The following SNTG1 variants were observed in gnomAD, a reference collection of about 807,000 sequenced individuals.
The protein encoded by SNTG1 is syntrophin gamma 1, also known as gamma-1-syntrophin.
Under a neutral mutation model 74.7 loss-of-function variants are expected in SNTG1, and 39 were observed. The ratio of observed to expected loss-of-function variants is 0.52; its 90% CI spans 0.40 to 0.68. The LOEUF is 0.68. Among genes scored for constraint, SNTG1 ranks in the 30% least tolerant of loss-of-function variants. The pLI is 0.00. For synonymous variants in SNTG1, 254 were observed against 217.1 expected, an observed-to-expected ratio of 1.17 and a Z score of -1.49; for missense variants, 685 against 609.5, an observed-to-expected ratio of 1.12 and a Z score of -1.30.
chr8:50,007,481 A>G (rs1261605785), intron 1 of SNTG1, among the ~76,000 whole-genome samples: 1 of 152,106 alleles, frequency 6.6e-6, no homozygotes, highest in Non-Finnish European at 1.5e-5. Flanking sequence ...CTTCAGTGAT[A>G]TTTCATTAAC....
intron 1 of SNTG1, among the ~76,000 whole-genome samples, chr8:50,127,805 T>G: frequency 6.6e-6 from 1 of 152,224 alleles, no homozygotes; most frequent in Non-Finnish European, 1.5e-5. Context: ...ATAAATGTTA[T>G]CTTCATTTAT....
intron 12 of SNTG1, among the ~76,000 whole-genome samples, chr8:50,587,559 T>A (rs934231505): frequency 2.0e-5 from 3 of 152,192 alleles, no homozygotes; most frequent in Non-Finnish European, 2.9e-5. Context: ...GCGCAGTGGC[T>A]CACGCCTGAA....
At chr8:50,231,988 C>T (rs1454221583) in intron 2 of SNTG1, among the ~76,000 whole-genome samples, 1 of 151,214 alleles carries the variant, frequency 6.6e-6, no homozygotes, top group Non-Finnish European at 1.5e-5. Context: ...ATATATTCAA[C>T]TATAATTTAT....
chr8:50,482,258 G>A (rs1481472), intron 8 of SNTG1, among the ~76,000 whole-genome samples: 130,866 of 152,102 alleles, frequency 0.86, 56,415 homozygotes, highest in Non-Finnish European at 0.89. Flanking sequence ...ACTAACAAAC[G>A]TGAACTGCTA....
chr8:50,513,030 TC>T (rs2129982453), intron 9 of SNTG1, among the ~76,000 whole-genome samples: 1 of 152,320 alleles, frequency 6.6e-6, no homozygotes, highest in South Asian at 2.1e-4. Context: ...CTCTGTTTTT[TC>T]CCCATCTTTA....
intron 2 of SNTG1, among the ~76,000 whole-genome samples, chr8:50,204,094 C>T (rs1035696606): frequency 2.0e-5 from 3 of 152,004 alleles, no homozygotes; most frequent in Admixed American, 6.6e-5. Context: ...AAACAATTTA[C>T]TAATGGACTG....
chr8:49,941,656 C>T (rs1038319982), intron 1 of SNTG1, among the ~76,000 whole-genome samples: 5 of 151,960 alleles, frequency 3.3e-5, no homozygotes, highest in African/African-American at 1.2e-4. Flanking sequence ...GCTCTGGCTG[C>T]CTGCCTGCCT....
At chr8:50,427,014 A>G (rs945180553) in intron 4 of SNTG1, among the ~76,000 whole-genome samples, 7 of 152,278 alleles carry the variant, frequency 4.6e-5, no homozygotes, top group Middle Eastern at 3.4e-3. Flanking sequence ...ATACTATGCC[A>G]TCTTATATGA....
intron 1 of SNTG1, among the ~76,000 whole-genome samples, chr8:49,942,404 T>A (rs2129377333): frequency 6.6e-6 from 1 of 152,246 alleles, no homozygotes; most frequent in East Asian, 1.9e-4. Flanking sequence ...CCATATGAAG[T>A]TTCTTTTATT....
rs139765180 is a variant in SNTG1, at chr8:50,793,029, A to G, written c.*200A>G. The G allele has an allele frequency of 2.3e-5, 10 of 430,598 alleles. No individual in the cohort carries two copies. In the East Asian group the frequency reaches 2.5e-4, roughly 11 times the overall value. 26.7% of individuals were successfully genotyped at this position (430,598 alleles called of 1,614,324 possible). On this transcript the variant is annotated 3_prime_UTR_variant, in exon 19 of 19. Transcript: ENST00000642720. ...CATCTGTGAAATATACTACATGAAC[A>G]GAACAGCTTGTTCTCACTCAGTTGC...
At chr8:50,563,974 A>G (rs543954434) in intron 12 of SNTG1, among the ~76,000 whole-genome samples, 3 of 152,278 alleles carry the variant, frequency 2.0e-5, no homozygotes, top group East Asian at 3.9e-4. Flanking sequence ...CTGAATAAAA[A>G]TCTCTCTCAT....
chr8:50,103,920 C>T (rs1312723329), intron 1 of SNTG1, among the ~76,000 whole-genome samples: 1 of 152,156 alleles, frequency 6.6e-6, no homozygotes, highest in African/African-American at 2.4e-5. Context: ...CCCACTTGAT[C>T]ATGCTGGATA....
At chr8:50,592,179 C>T (rs891109201) in intron 13 of SNTG1, among the ~76,000 whole-genome samples, 6 of 152,088 alleles carry the variant, frequency 3.9e-5, no homozygotes, top group African/African-American at 1.4e-4. Flanking sequence ...AGAAATTACT[C>T]AAATAGAAGA....
intron 13 of SNTG1, among the ~76,000 whole-genome samples, chr8:50,636,502 G>A (rs1387252681): frequency 6.6e-6 from 1 of 152,038 alleles, no homozygotes; most frequent in Admixed American, 6.5e-5. Flanking sequence ...TTATCTAAAT[G>A]CTTCCTCCGT....
At chr8:50,660,865 T>C (rs967631027) in intron 15 of SNTG1, among the ~76,000 whole-genome samples, 2 of 152,172 alleles carry the variant, frequency 1.3e-5, no homozygotes, top group Non-Finnish European at 2.9e-5. Context: ...GATTATGCAA[T>C]TCATGATCTG....
At chr8:49,986,085 A>G (rs1261637399) in intron 1 of SNTG1, among the ~76,000 whole-genome samples, 5 of 152,236 alleles carry the variant, frequency 3.3e-5, no homozygotes, top group Non-Finnish European at 7.3e-5. Context: ...TAGTTCTATT[A>G]TAAAACATCC....
At chr8:50,781,527 T>C (rs187649432) in intron 18 of SNTG1, among the ~76,000 whole-genome samples, 214 of 152,250 alleles carry the variant, frequency 1.4e-3, no homozygotes, top group Admixed American at 2.7e-3. Flanking sequence ...GGATTGCAAC[T>C]GCTGCCTTTT....
At chr8:50,666,613 T>C (rs1212890793) in intron 15 of SNTG1, among the ~76,000 whole-genome samples, 2 of 152,022 alleles carry the variant, frequency 1.3e-5, no homozygotes, top group South Asian at 2.1e-4. Flanking sequence ...TCTATATAAA[T>C]AGAAATGCAA....
intron 17 of SNTG1, among the ~76,000 whole-genome samples, chr8:50,742,131 T>C (rs1370775020): frequency 6.6e-6 from 1 of 151,920 alleles, no homozygotes; most frequent in Non-Finnish European, 1.5e-5. Context: ...AAATCTATTA[T>C]TAATTTTAAA....
Sources: allele counts gnomAD v4.1 joint callset (sites outside exome capture counted in the v4.1 genomes callset), GRCh38; gene constraint gnomAD v4.1.1; transcripts MANE v1.5; gene names NCBI Gene and HGNC (gene_info 2026-07-23, HGNC 2026-07-21).